GBX1: variants seen among roughly 807,000 people sequenced by gnomAD.
GBX1 encodes gastrulation brain homeobox 1, also known as homeobox protein GBX-1.
GBX1 carries 9 observed loss-of-function variants against 22.9 expected under a neutral mutation model. The observed-to-expected ratio is 0.39, with a 90% CI of 0.24 to 0.69. GBX1 has a LOEUF of 0.69. Ranked by LOEUF, GBX1 falls within the 30% of genes least tolerant of loss-of-function variation. GBX1 has a pLI of 0.43. For missense variants in GBX1, 494 were observed against 509.2 expected (o/e 0.97, Z 0.29); for synonymous variants, 203 against 227.3 (o/e 0.89, Z 0.96).
chr7:151,156,760 G>A (rs1008334400), intron 1 of GBX1, among the ~76,000 whole-genome samples: 13 of 151,042 alleles, frequency 8.6e-5, no homozygotes, highest in South Asian at 2.1e-4. Flanking sequence ...TGAGGCAGGC[G>A]GATCACTTGA....
At chr7:151,166,488 A>ACCCCCCCC (rs1491154351) in intron 1 of GBX1, among the ~76,000 whole-genome samples, 2 of 50,354 alleles carry the variant, frequency 4.0e-5, no homozygotes, top group Non-Finnish European at 3.4e-5. Flanking sequence ...CCCCCCCCCA[A>ACCCCCCCC]CACACACACA....
intron 1 of GBX1, among the ~76,000 whole-genome samples, chr7:151,153,534 T>C (rs895928049): frequency 1.3e-5 from 2 of 150,970 alleles, no homozygotes; most frequent in Non-Finnish European, 2.9e-5. Flanking sequence ...TGACTAAAAA[T>C]TGAAAGAAGC....
chr7:151,149,945 C>T (rs974561843), intron 1 of GBX1: 14 of 455,912 alleles, frequency 3.1e-5, no homozygotes, highest in African/African-American at 2.6e-4. Context: ...GCCAAGGATG[C>T]CTGAGCAGCA....
chr7:151,166,023 C>T (rs751068041), intron 1 of GBX1, among the ~76,000 whole-genome samples: 36 of 152,220 alleles, frequency 2.4e-4, no homozygotes, highest in Non-Finnish European at 7.3e-5. Flanking sequence ...AGAGTCCCCA[C>T]ACTTGCAAGT....
At position 151,148,036 on chromosome 7, in the gene GBX1, A is replaced by T. The variant is rs1026427673; in HGVS notation, c.*553T>A. Reference sequence around the variant, plus strand: ...ACGGTTGCATTTCATTTCTTTGTAAAGAGAGGCAAGATGGGGCCTACCCCA... The same window carrying T: ...ACGGTTGCATTTCATTTCTTTGTAATGAGAGGCAAGATGGGGCCTACCCCA... On this transcript the variant is annotated 3_prime_UTR_variant, in exon 2 of 2. Coordinates refer to ENST00000297537, the MANE Select transcript of GBX1 (RefSeq NM_001098834.3). This position sits in a 1 kb window ranked among gnomAD's most constrained non-coding sequence, Gnocchi z 5.1. Among the ~76,000 whole-genome samples the T allele has an allele frequency of 6.6e-6, 1 of 152,192 alleles. No individual in the cohort carries two copies. Among genetic ancestry groups the T allele is most frequent in the Non-Finnish European group, 1.5e-5 (1 of 68,028 alleles).
At chr7:151,154,994 C>T (rs1350881022) in intron 1 of GBX1, among the ~76,000 whole-genome samples, 1 of 152,216 alleles carries the variant, frequency 6.6e-6, no homozygotes, top group Non-Finnish European at 1.5e-5. Flanking sequence ...CTCCCAACTA[C>T]AGGAATTCAT....
chr7:151,152,291 C>T (rs546869854), intron 1 of GBX1, among the ~76,000 whole-genome samples: 2 of 152,312 alleles, frequency 1.3e-5, no homozygotes, highest in East Asian at 1.9e-4. Context: ...AACCCCACCC[C>T]GCCCAGCTCC....
intron 1 of GBX1, among the ~76,000 whole-genome samples, chr7:151,164,801 T>C (rs952780258): frequency 7.1e-6 from 1 of 140,260 alleles, no homozygotes; most frequent in Admixed American, 7.0e-5. Context: ...TTTTTTGCTT[T>C]CAACATTTTC....
rs538566546 is a variant in GBX1, at chr7:151,158,082, TACAAG to T, written c.538+8924_538+8928del. ...TGAATCCACTCAGGTATTTTGCAGTTACAAGAAGCAATAAATCCCCGTTTTAGCTG... is the reference window on the plus strand; with the variant it reads ...TGAATCCACTCAGGTATTTTGCAGTTAAGCAATAAATCCCCGTTTTAGCTG... On this transcript the variant is annotated intron_variant, in intron 1 of 1. Coordinates refer to ENST00000297537, the MANE Select transcript of GBX1 (RefSeq NM_001098834.3). Among the ~76,000 whole-genome samples the T allele has an allele frequency of 1.8e-4, 27 of 152,252 alleles. No homozygotes were observed. In the East Asian group the frequency reaches 4.6e-3, roughly 26 times the overall value.
chr7:151,159,824 C>T (rs1472506632), intron 1 of GBX1, among the ~76,000 whole-genome samples: 1 of 152,168 alleles, frequency 6.6e-6, no homozygotes, highest in African/African-American at 2.4e-5. Flanking sequence ...AACTGATCCC[C>T]AATCTATTTG....
At chr7:151,155,244 T>C (rs1801120907) in intron 1 of GBX1, among the ~76,000 whole-genome samples, 1 of 152,148 alleles carries the variant, frequency 6.6e-6, no homozygotes, top group South Asian at 2.1e-4. Flanking sequence ...ACAGGCCAAC[T>C]ACTCATCTCC....
chr7:151,154,578 A>G (rs561311175), intron 1 of GBX1, among the ~76,000 whole-genome samples: 2 of 152,330 alleles, frequency 1.3e-5, no homozygotes, highest in South Asian at 4.1e-4. Flanking sequence ...AAGTGATGGT[A>G]GGACAGACTG....
In GBX1 at chr7:151,156,842, A is replaced by G. The variant is rs1032383056; in HGVS notation, c.539-7700T>C. 2.0e-5 allele frequency among the ~76,000 whole-genome samples: 3 copies of G among 151,972 alleles called. No individual in the cohort carries two copies. In the East Asian group the frequency reaches 5.8e-4, roughly 29 times the overall value. ...TCTACTAAAACTACAAAAATTAGCC[A>G]GGCATGGCGGTGCGCGCCTGTAATT... is the stretch of plus-strand genomic sequence containing the variant. On this transcript the variant is annotated intron_variant, in intron 1 of 1. Coordinates refer to ENST00000297537, the MANE Select transcript of GBX1 (RefSeq NM_001098834.3).
chr7:151,158,553 C>A (rs2150549566), intron 1 of GBX1, among the ~76,000 whole-genome samples: 1 of 151,472 alleles, frequency 6.6e-6, no homozygotes, highest in Admixed American at 6.6e-5. Flanking sequence ...CAGAGGACAC[C>A]AAAATGTGAG....
rs1272300776 is a variant in GBX1 at position 151,167,486 on chromosome 7, C to G, written c.63G>C (p.Pro21=). 1.3e-6 allele frequency: 2 copies of G among 1,488,724 alleles called. No individual in the cohort carries two copies. The highest frequency in any genetic ancestry group is 1.8e-6 in the Non-Finnish European group (2 of 1,127,310). 92.2% of individuals were successfully genotyped at this position (1,488,724 alleles called of 1,614,324 possible). ...GGNGGGGGGG[P]GTAFSIDSLI... ...GGGAGTCGATGGAGAAGGCAGTGCC[C>G]GGGCCCCCGCCGCCGCCCCCGCCGT... The change falls in exon 1 of 2, where the codon CCG becomes CCC. Residue 21 remains proline, a synonymous_variant. Transcript: ENST00000297537. The surrounding 1 kb of genome is among the most constrained non-coding windows in gnomAD (Gnocchi z 5.9).
chr7:151,162,806 T>A (rs922104880), intron 1 of GBX1, among the ~76,000 whole-genome samples: 1 of 48,128 alleles, frequency 2.1e-5, no homozygotes, highest in Non-Finnish European at 4.4e-5. Context: ...TCTTCTGCCT[T>A]TTTTTTTTTT....
Position 151,167,222 on chromosome 7 carries a change from C to T in GBX1, c.327G>A (p.Ala109=), listed in dbSNP as rs1801267684. ...GCCCGTAGAAAGCGTCGGGCGGCTC[C>T]GCGAAGCTGGGCAGCGCGGTGGTCA... The part of the protein sequence containing the change: ...VALTTALPSF[A]EPPDAFYGPQ... The change falls in exon 1 of 2, where the codon GCG becomes GCA. Residue 109 remains alanine, a synonymous_variant. Transcript: ENST00000297537. The surrounding 1 kb of genome is among the most constrained non-coding windows in gnomAD (Gnocchi z 5.9). 6.4e-7 allele frequency: 1 copy of T among 1,557,818 alleles called. No homozygotes were observed. Among genetic ancestry groups the T allele is most frequent in the African/African-American group, 1.4e-5 (1 of 72,260 alleles).
rs71533521 is a variant in GBX1 at position 151,164,776 on chromosome 7, CTTTTT to C, written c.538+2230_538+2234del. On this transcript the variant is annotated intron_variant, in intron 1 of 1. Transcript: ENST00000297537. ...CTCCAAGAACAACACAAATTTCCCT[CTTTTT>C]TTTTTTTTTTTTTTTGCTTTCAACA... Among the ~76,000 whole-genome samples the C allele has an allele frequency of 5.9e-3, 620 of 104,424 alleles. 4 individuals carry two copies. Among genetic ancestry groups the C allele is most frequent in the African/African-American group, 0.02 (524 of 26,674 alleles). The allele number at this position is 104,424 out of a possible 152,430, so 68.5% of individuals were successfully genotyped here.
Position 151,148,544 on chromosome 7 carries a change from G to T in GBX1, c.*45C>A. ...CAGAACCCTGACAGTCTCAGAGCAG[G>T]CTCAGGTACAGATCCCTCGCCTTCC... On this transcript the variant is annotated 3_prime_UTR_variant, in exon 2 of 2. Coordinates refer to ENST00000297537, the MANE Select transcript of GBX1 (RefSeq NM_001098834.3). The surrounding 1 kb of genome is among the most constrained non-coding windows in gnomAD (Gnocchi z 5.1). 1 of 1,557,658 alleles carries T rather than the reference G, an allele frequency of 6.4e-7. No individual in the cohort carries two copies. The highest frequency in any genetic ancestry group is 1.7e-4 in the Middle Eastern group (1 of 5,830).
Sources: gnomAD v4.1 joint callset for allele counts (sites outside exome capture counted in the v4.1 genomes callset) on GRCh38, gnomAD v4.1.1 for gene constraint, Gnocchi (gnomAD v3.1) non-coding constraint, MANE v1.5 for transcripts, NCBI Gene and HGNC (gene_info 2026-07-23, HGNC 2026-07-21) for gene names.